Variants in PTPRD observed in about 807,000 individuals in gnomAD.
PTPRD encodes receptor-type tyrosine-protein phosphatase delta.
In PTPRD, 34 loss-of-function variants were observed where a neutral mutation model predicts 214.5. The ratio of observed to expected loss-of-function variants is 0.16; its 90% confidence interval spans 0.12 to 0.21. PTPRD has a LOEUF of 0.21. PTPRD is among the 10% of genes least tolerant of loss of function. The pLI, the probability that PTPRD is intolerant of heterozygous loss-of-function variation, is 1.00. For missense variants in PTPRD, 2,545 were observed against 2,398.7 expected, an observed-to-expected ratio of 1.06 and a Z score of -1.27; for synonymous variants, 1,128 against 845.7, an observed-to-expected ratio of 1.33 and a Z score of -5.79.
chr9:10,522,178 C>A (rs967477276), intron 2 of PTPRD, among the ~76,000 whole-genome samples: 5 of 152,136 alleles, frequency 3.3e-5, no homozygotes, highest in Non-Finnish European at 5.9e-5. Context: ...ACTCCATAGG[C>A]AGTGGATATT....
At chr9:9,877,272 C>G (rs2382057) in intron 5 of PTPRD, among the ~76,000 whole-genome samples, 18,652 of 152,138 alleles carry the variant, frequency 0.12, 1,278 homozygotes, top group South Asian at 0.22. Flanking sequence ...CCAAGAACAA[C>G]TGTCTTGGGA....
chr9:9,192,903 T>A (rs1178131952), intron 9 of PTPRD, among the ~76,000 whole-genome samples: 1 of 152,116 alleles, frequency 6.6e-6, no homozygotes, highest in East Asian at 1.9e-4. Context: ...ATCATTTCTC[T>A]GAGAAGAGAA....
At chr9:9,765,763 C>G (rs2154478854) in intron 6 of PTPRD, among the ~76,000 whole-genome samples, 1 of 152,250 alleles carries the variant, frequency 6.6e-6, no homozygotes, top group South Asian at 2.1e-4. Flanking sequence ...TGGGTTCACG[C>G]CATTCTCCTG....
intron 2 of PTPRD, among the ~76,000 whole-genome samples, chr9:10,586,720 A>T (rs1194932707): frequency 6.6e-6 from 1 of 151,930 alleles, no homozygotes; most frequent in Non-Finnish European, 1.5e-5. Context: ...AGTGTAAGTT[A>T]CTGTCAATCC....
intron 44 of PTPRD, among the ~76,000 whole-genome samples, chr9:8,329,960 TGGATCGTATCTTGCTGGGCTCTGTGGGG>T (rs1188167551): frequency 1.4e-4 from 21 of 149,832 alleles, no homozygotes; most frequent in African/African-American, 5.0e-4. Context: ...TCTGTGGGAG[TGGATCGTATCTTGCTGGGCTCTGTGGGG>T]GTGGGACACA....
chr9:8,508,970 C>A (rs2097605807), intron 21 of PTPRD, among the ~76,000 whole-genome samples: 1 of 151,282 alleles, frequency 6.6e-6, no homozygotes, highest in South Asian at 2.1e-4. Context: ...CACAAATAAT[C>A]AGTGCTTCAT....
intron 6 of PTPRD, among the ~76,000 whole-genome samples, chr9:9,741,075 G>T (rs139623913): frequency 2.8e-4 from 43 of 152,262 alleles, no homozygotes; most frequent in Admixed American, 1.3e-3. Context: ...GGGCAACCGG[G>T]TGATGATATC....
At chr9:9,580,035 C>CT (rs2090249078) in intron 7 of PTPRD, among the ~76,000 whole-genome samples, 1 of 152,010 alleles carries the variant, frequency 6.6e-6, no homozygotes, top group African/African-American at 2.4e-5. Context: ...CATGTTTCAT[C>CT]TTTTTTATGG....
chr9:9,140,999 G>A (rs982211263), intron 10 of PTPRD, among the ~76,000 whole-genome samples: 7 of 152,058 alleles, frequency 4.6e-5, no homozygotes, highest in Non-Finnish European at 1.0e-4. Context: ...GAGTGCCAAA[G>A]ACATATAAAC....
chr9:8,549,906 C>T (rs771744547), intron 14 of PTPRD, among the ~76,000 whole-genome samples: 27 of 152,082 alleles, frequency 1.8e-4, no homozygotes, highest in Admixed American at 3.3e-4. Context: ...TTTCATTTAG[C>T]GTATCTATAT....
chr9:10,422,036 C>T (rs1047673150), intron 2 of PTPRD, among the ~76,000 whole-genome samples: 1 of 151,890 alleles, frequency 6.6e-6, no homozygotes, highest in Non-Finnish European at 1.5e-5. Flanking sequence ...ATTGAAACAA[C>T]ATCACGCTAC....
chr9:8,924,539 T>C lies in PTPRD; in HGVS notation c.-104+94158A>G, dbSNP rs557218398. Reference sequence around the variant, plus strand: ...ACAATCAGGGAATCAAAGTGGTACCTGAATTTCACAGAAGCTGTCAACTCC... The same window carrying C: ...ACAATCAGGGAATCAAAGTGGTACCCGAATTTCACAGAAGCTGTCAACTCC... On this transcript the variant is annotated intron_variant, in intron 11 of 45. Transcript: ENST00000381196. 7.2e-5 allele frequency among the ~76,000 whole-genome samples: 11 copies of C among 152,246 alleles called. 1 individual carries two copies. The South Asian group carries it at 2.3e-3, about 32-fold the overall frequency.
chr9:8,669,100 A>G (rs1006723149), intron 12 of PTPRD, among the ~76,000 whole-genome samples: 1 of 151,930 alleles, frequency 6.6e-6, no homozygotes, highest in East Asian at 1.9e-4. Flanking sequence ...CCTTGCCCCA[A>G]AGTGATGAGG....
chr9:10,472,278 C>T (rs1386410415), intron 2 of PTPRD, among the ~76,000 whole-genome samples: 4 of 152,092 alleles, frequency 2.6e-5, no homozygotes, highest in Non-Finnish European at 5.9e-5. Flanking sequence ...AAGTATCTGA[C>T]ACTGCAAACT....
At chr9:9,654,968 A>G (rs2096469213) in intron 7 of PTPRD, among the ~76,000 whole-genome samples, 1 of 151,754 alleles carries the variant, frequency 6.6e-6, no homozygotes, top group African/African-American at 2.4e-5. Context: ...TAACACATTT[A>G]CACAAATATT....
chr9:8,746,254 C>G (rs1217809062), intron 11 of PTPRD, among the ~76,000 whole-genome samples: 1 of 152,086 alleles, frequency 6.6e-6, no homozygotes, highest in Non-Finnish European at 1.5e-5. Context: ...TACGAAGTTG[C>G]TGAGGGCAAC....
In PTPRD at chr9:10,345,691, T is replaced by C. The variant is rs183659481; in HGVS notation, c.-599-4674A>G. On this transcript the variant is annotated intron_variant, in intron 2 of 45. Transcript: ENST00000381196. ...GATGGACATTTGTGTTGGTTCCAAG[T>C]CTTTGCTATTGTGAACAGTGTTGCA... 8.6e-3 allele frequency among the ~76,000 whole-genome samples: 1,315 copies of C among 152,322 alleles called. 10 individuals carry two copies. The highest frequency in any genetic ancestry group is 0.013 in the Non-Finnish European group (872 of 68,022).
intron 7 of PTPRD, among the ~76,000 whole-genome samples, chr9:9,724,139 G>C (rs949500785): frequency 1.3e-5 from 2 of 152,116 alleles, no homozygotes; most frequent in African/African-American, 4.8e-5. Context: ...AAATTCATGT[G>C]ATTGACTTCT....
intron 11 of PTPRD, among the ~76,000 whole-genome samples, chr9:8,873,407 A>G (rs2098335812): frequency 6.6e-6 from 1 of 152,200 alleles, no homozygotes; most frequent in Admixed American, 6.5e-5. Context: ...CAATCAGAAT[A>G]TAAGCTCCCC....
Sources: gnomAD v4.1 joint callset for allele counts (sites outside exome capture counted in the v4.1 genomes callset) on GRCh38, gnomAD v4.1.1 for gene constraint, MANE v1.5 for transcripts, NCBI Gene and HGNC (gene_info 2026-07-23, HGNC 2026-07-21) for gene names.